The following FARSB variants were observed in gnomAD, a reference collection of about 807,000 sequenced individuals.
The protein encoded by FARSB is phenylalanyl-tRNA synthetase subunit beta.
FARSB carries 40 observed loss-of-function variants against 69.6 expected under a neutral mutation model. The ratio of observed to expected loss-of-function variants is 0.57; its 90% confidence interval spans 0.45 to 0.75. The LOEUF is 0.75. Ranked by LOEUF, FARSB falls within the 30% of genes least tolerant of loss-of-function variation. FARSB has a pLI of 0.00. For synonymous variants in FARSB, 235 were observed against 247.2 expected (o/e 0.95, Z 0.46); for missense variants, 632 against 722.9 (o/e 0.87, Z 1.44).
intron 10 of FARSB, among the ~76,000 whole-genome samples, chr2:222,626,649 TGAG>T (rs1240937538): frequency 2.4e-4 from 37 of 152,216 alleles, no homozygotes; most frequent in African/African-American, 6.5e-4. Context: ...TTTATCCATA[TGAG>T]GAGAAGAGTG....
In FARSB at chr2:222,571,342, A is replaced by G. The variant is rs1204886156; in HGVS notation, c.*529T>C. 2 of 152,284 alleles carry G rather than the reference A, an allele frequency of 1.3e-5. No homozygotes were observed. Among genetic ancestry groups the G allele is most frequent in the Admixed American group, 6.5e-5 (1 of 15,294 alleles). 9.4% of individuals were successfully genotyped at this position (152,284 alleles called of 1,614,324 possible). ...TCTTTCACTTTAAACTGACCTCAGAAGCTATAATTGTTGGACCATAATTGA... is the reference window on the plus strand; with the variant it reads ...TCTTTCACTTTAAACTGACCTCAGAGGCTATAATTGTTGGACCATAATTGA... On this transcript the variant is annotated 3_prime_UTR_variant, in exon 17 of 17. Coordinates refer to ENST00000281828, the MANE Select transcript of FARSB (RefSeq NM_005687.5).
At chr2:222,590,712 A>C (rs1028937556) in intron 16 of FARSB, among the ~76,000 whole-genome samples, 5 of 152,178 alleles carry the variant, frequency 3.3e-5, no homozygotes, top group Non-Finnish European at 7.3e-5. Context: ...TTGTATTTAC[A>C]ACTGGGAATA....
intron 9 of FARSB, among the ~76,000 whole-genome samples, chr2:222,629,178 C>T (rs1243436248): frequency 1.3e-5 from 2 of 152,056 alleles, no homozygotes; most frequent in East Asian, 3.8e-4. Flanking sequence ...CTGACACACA[C>T]ATTCTAGGCT....
chr2:222,634,477 T>C lies in FARSB; in HGVS notation c.520A>G (p.Thr174Ala). The C allele has an allele frequency of 1.2e-6, 2 of 1,612,700 alleles. No individual in the cohort carries two copies. Among genetic ancestry groups the C allele is most frequent in the Non-Finnish European group, 1.7e-6 (2 of 1,178,906 alleles). ...TTGATATCTGAAGGACGCTTTGCAG[T>C]ATAAGTAAATGGGCCCGACAAAGTG... ...LDTLSGPFTYTAKRPSDIKFK... is the reference protein window; with the variant it reads ...LDTLSGPFTYAAKRPSDIKFK... The change falls in exon 6 of 17, where the codon ACT (threonine) becomes GCT (alanine). Residue 174 changes from threonine to alanine, a missense_variant. Thr to Ala is a moderately conservative substitution (Grantham distance 58). Transcript: ENST00000281828.
chr2:222,637,765 C>G (rs971399375), intron 5 of FARSB, among the ~76,000 whole-genome samples: 3 of 152,102 alleles, frequency 2.0e-5, no homozygotes, highest in Admixed American at 6.6e-5. Flanking sequence ...ACAGGAGGAT[C>G]ACTTAAAGCC....
intron 3 of FARSB, 123 bp from the exon 4 acceptor site, chr2:222,641,054 A>C (rs1379801403): frequency 4.8e-6 from 2 of 420,138 alleles, no homozygotes; most frequent in East Asian, 7.4e-5. Flanking sequence ...AGTTACAGCA[A>C]GTCAAATTTT....
At chr2:222,584,364 C>T (rs954199579) in intron 16 of FARSB, among the ~76,000 whole-genome samples, 2 of 152,122 alleles carry the variant, frequency 1.3e-5, no homozygotes, top group Non-Finnish European at 1.5e-5. Flanking sequence ...AAAATTATTG[C>T]CCTGAATTTG....
intron 16 of FARSB, among the ~76,000 whole-genome samples, chr2:222,572,723 G>A (rs1012734674): frequency 8.5e-5 from 13 of 152,320 alleles, no homozygotes; most frequent in Admixed American, 7.8e-4. Flanking sequence ...AAGACAGGCA[G>A]AAAGTTCTCT....
chr2:222,580,676 C>T lies in FARSB; in HGVS notation c.1619-8654G>A, dbSNP rs116600987. Among the ~76,000 whole-genome samples, 1,090 of 152,118 alleles carry T rather than the reference C, an allele frequency of 7.2e-3. 15 individuals carry two copies. The highest frequency in any genetic ancestry group is 0.025 in the African/African-American group (1,035 of 41,466). ...AACTTTCTCCTGCATAACACAACTA[C>T]TGCCTTTAAAAAAAAATTCCACTGG... On this transcript the variant is annotated intron_variant, in intron 16 of 16. Coordinates refer to ENST00000281828, the MANE Select transcript of FARSB (RefSeq NM_005687.5).
chr2:222,634,685 G>T, intron 5 of FARSB, 144 bp from the exon 6 acceptor site: 1 of 553,600 alleles, frequency 1.8e-6, no homozygotes, highest in Non-Finnish European at 3.0e-6. Context: ...ATACTTCCCT[G>T]AAACAGCATA....
intron 16 of FARSB, among the ~76,000 whole-genome samples, chr2:222,581,472 ACAAAG>A (rs1394251183): frequency 1.3e-5 from 2 of 152,210 alleles, no homozygotes; most frequent in African/African-American, 4.8e-5. Flanking sequence ...CAATTTTTAA[ACAAAG>A]CAGACTATGG....
chr2:222,642,913 G>T lies in FARSB; in HGVS notation c.207C>A (p.Ala69=). The T allele has an allele frequency of 6.2e-7, 1 of 1,612,872 alleles. No individual in the cohort carries two copies. Among genetic ancestry groups the T allele is most frequent in the Non-Finnish European group, 8.5e-7 (1 of 1,178,984 alleles). The part of the protein sequence containing the change: ...DVVLYKIDVP[A]NRYDLLCLEG... Reference sequence around the variant, plus strand: ...CCAGACACAGGAGATCATATCTATTGGCAGGGACGTCAATTTTGTAAAGAA... The same window carrying T: ...CCAGACACAGGAGATCATATCTATTTGCAGGGACGTCAATTTTGTAAAGAA... The change falls in exon 3 of 17, where the codon GCC becomes GCA. Residue 69 remains alanine, a synonymous_variant. Coordinates refer to ENST00000281828, the MANE Select transcript of FARSB (RefSeq NM_005687.5).
At chr2:222,639,529 G>T in intron 5 of FARSB, 51 bp downstream of exon 5, 1 of 792,198 alleles carries the variant, frequency 1.3e-6, no homozygotes, top group South Asian at 1.8e-5. Context: ...AGGAGATAGG[G>T]AGACAAAGGG....
rs1182403104 is a variant in FARSB, at chr2:222,624,298, G to C, written c.1144C>G (p.Pro382Ala). The C allele has an allele frequency of 2.5e-6, 4 of 1,610,796 alleles. No individual in the cohort carries two copies. Among genetic ancestry groups the C allele is most frequent in the Non-Finnish European group, 3.4e-6 (4 of 1,178,020 alleles). ...TGATTAGCTATGGTGTAAGTTTTCG[G>C]GAGAGTCATCTGAATGTTGTTATAT... ...YGYNNIQMTL[P>A]KTYTIANQFP... is the part of the protein sequence containing the mutation. Residue 382 changes from proline to alanine, a missense_variant, in exon 12 of 17, where the codon CCG becomes GCG. Transcript: ENST00000281828.
intron 14 of FARSB, among the ~76,000 whole-genome samples, chr2:222,618,282 GTT>G: frequency 6.6e-6 from 1 of 152,116 alleles, no homozygotes; most frequent in East Asian, 1.9e-4. Context: ...TTTAAATTTA[GTT>G]TTAAACACTT....
At chr2:222,627,962 G>C (rs899065728) in intron 10 of FARSB, among the ~76,000 whole-genome samples, 3 of 152,210 alleles carry the variant, frequency 2.0e-5, no homozygotes, top group African/African-American at 4.8e-5. Flanking sequence ...TTATGTTTTA[G>C]AACAGTCATC....
At chr2:222,634,132 A>G (rs953244953) in intron 6 of FARSB, among the ~76,000 whole-genome samples, 2 of 152,198 alleles carry the variant, frequency 1.3e-5, no homozygotes, top group Non-Finnish European at 2.9e-5. Context: ...GAAGATTACA[A>G]TGTGGTATGG....
chr2:222,589,750 G>A (rs1187712367), intron 16 of FARSB, among the ~76,000 whole-genome samples: 1 of 152,116 alleles, frequency 6.6e-6, no homozygotes. Flanking sequence ...GCAGCCAACA[G>A]ACACATGAAA....
intron 13 of FARSB, among the ~76,000 whole-genome samples, chr2:222,622,070 A>T (rs930275936): frequency 1.3e-5 from 2 of 152,196 alleles, no homozygotes; most frequent in Non-Finnish European, 2.9e-5. Flanking sequence ...ATCCACAGCC[A>T]TGGCGTAGGA....
Sources: allele counts gnomAD v4.1 joint callset (sites outside exome capture counted in the v4.1 genomes callset), GRCh38; gene constraint gnomAD v4.1.1; transcripts MANE v1.5; gene names NCBI Gene and HGNC (gene_info 2026-07-23, HGNC 2026-07-21).